RUNDC3B: variants seen among roughly 807,000 people sequenced by gnomAD.
RUNDC3B encodes RUN domain-containing protein 3B.
Under a neutral mutation model 58.4 loss-of-function variants are expected in RUNDC3B, and 33 were observed. The observed-to-expected ratio is 0.56, with a 90% CI of 0.43 to 0.75. The LOEUF is 0.75. RUNDC3B is among the 30% of genes least tolerant of loss of function. The pLI, the probability that RUNDC3B is intolerant of heterozygous loss-of-function variation, is 0.00. For missense variants in RUNDC3B, 501 were observed against 535.7 expected (o/e 0.94, Z 0.64); for synonymous variants, 193 against 195.2 (o/e 0.99, Z 0.10).
intron 4 of RUNDC3B, among the ~76,000 whole-genome samples, chr7:87,726,614 T>C (rs551210788): frequency 0.03 from 4,554 of 152,288 alleles, 65 homozygotes; most frequent in Middle Eastern, 0.048. Context: ...AGTAGTTTTT[T>C]CCAATTCTGT....
intron 4 of RUNDC3B, among the ~76,000 whole-genome samples, chr7:87,739,467 T>G (rs1027489856): frequency 6.6e-6 from 1 of 152,010 alleles, no homozygotes; most frequent in Admixed American, 6.6e-5. Flanking sequence ...TTTATATTGC[T>G]TCACTATTAA....
intron 10 of RUNDC3B, 54 bp from the exon 11 acceptor site, chr7:87,829,831 T>C (rs1184745933): frequency 2.3e-6 from 3 of 1,284,626 alleles, no homozygotes; most frequent in African/African-American, 3.0e-5. Flanking sequence ...AGGATCTTAT[T>C]TGTATCATTC....
At chr7:87,724,936 AATT>A (rs1831125715) in intron 4 of RUNDC3B, among the ~76,000 whole-genome samples, 5 of 152,132 alleles carry the variant, frequency 3.3e-5, no homozygotes, top group South Asian at 2.1e-4. Flanking sequence ...GAAAAGAAAT[AATT>A]ATTCATTTGA....
intron 8 of RUNDC3B, among the ~76,000 whole-genome samples, chr7:87,785,444 A>G (rs535679580): frequency 1.3e-5 from 2 of 152,302 alleles, no homozygotes; most frequent in South Asian, 4.1e-4. Context: ...AGTGTACTCC[A>G]ACCCTGGGAG....
chr7:87,680,770 G>C lies in RUNDC3B; in HGVS notation c.239-19651G>C, dbSNP rs1453601211. ...AGATCGCGCCATTGCACTCCAGCTT[G>C]GGCAAGGAGTGAAACTCCATCTCAA... is the stretch of plus-strand genomic sequence containing the variant. On this transcript the variant is annotated intron_variant, in intron 2 of 10. Coordinates refer to ENST00000394654, the MANE Select transcript of RUNDC3B (RefSeq NM_001134405.2). Among the ~76,000 whole-genome samples, 3 of 149,872 alleles carry C rather than the reference G, an allele frequency of 2.0e-5. 1 individual carries two copies. Among genetic ancestry groups the C allele is most frequent in the Non-Finnish European group, 4.4e-5 (3 of 67,782 alleles).
At chr7:87,811,426 C>T (rs1444106973) in intron 9 of RUNDC3B, among the ~76,000 whole-genome samples, 2 of 151,962 alleles carry the variant, frequency 1.3e-5, no homozygotes, top group African/African-American at 2.4e-5. Context: ...CTTTGCCTCC[C>T]GGGTTGAAGT....
intron 2 of RUNDC3B, among the ~76,000 whole-genome samples, chr7:87,668,687 A>C (rs1470687057): frequency 6.6e-6 from 1 of 152,072 alleles, no homozygotes; most frequent in Non-Finnish European, 1.5e-5. Context: ...TTTTGTTCTC[A>C]TTATTTTCAA....
intron 3 of RUNDC3B, among the ~76,000 whole-genome samples, chr7:87,703,885 C>CTTTTTTTTTTTTTTTTTTTTTTTTTTGTT (rs1829314546): frequency 1.7e-5 from 1 of 60,282 alleles, no homozygotes; most frequent in African/African-American, 6.3e-5. Context: ...TCAGTTTTTT[C>CTTTTTTTTTTTTTTTTTTTTTTTTTTGTT]TTTTTTTTTT....
At chr7:87,828,095 A>T (rs968405238) in intron 10 of RUNDC3B, among the ~76,000 whole-genome samples, 1 of 152,200 alleles carries the variant, frequency 6.6e-6, no homozygotes, top group Non-Finnish European at 1.5e-5. Context: ...TGTTGTTCAA[A>T]AGGGCCCCTC....
intron 2 of RUNDC3B, among the ~76,000 whole-genome samples, chr7:87,689,435 G>A (rs1827805247): frequency 6.6e-6 from 1 of 151,832 alleles, no homozygotes; most frequent in Non-Finnish European, 1.5e-5. Flanking sequence ...TTTTAATCTT[G>A]GAAAATTGCT....
intron 8 of RUNDC3B, among the ~76,000 whole-genome samples, chr7:87,788,662 T>G (rs1053029618): frequency 2.0e-5 from 3 of 151,394 alleles, no homozygotes; most frequent in Non-Finnish European, 4.4e-5. Flanking sequence ...GAAAGTTTGT[T>G]AAAAGATTAA....
At chr7:87,768,675 A>G (rs1269866472) in intron 6 of RUNDC3B, among the ~76,000 whole-genome samples, 1 of 152,124 alleles carries the variant, frequency 6.6e-6, no homozygotes, top group Non-Finnish European at 1.5e-5. Flanking sequence ...AAATGCCCCT[A>G]CCTACCCTTT....
rs1027684615 is a variant in RUNDC3B at position 87,715,379 on chromosome 7, A to G, written c.458+4724A>G. On this transcript the variant is annotated intron_variant, in intron 4 of 10. Coordinates refer to ENST00000394654, the MANE Select transcript of RUNDC3B (RefSeq NM_001134405.2). ...TATAATTAATTTATAATAATTATAT[A>G]ATCAATATAATATAATATATTTAAT... Among the ~76,000 whole-genome samples the G allele has an allele frequency of 2.6e-4, 34 of 128,468 alleles. 2 individuals are homozygous for G. The highest frequency in any genetic ancestry group is 4.4e-4 in the Non-Finnish European group (28 of 63,160). The allele number at this position is 128,468 out of a possible 152,430, so 84.3% of individuals were successfully genotyped here.
rs1186697348 is a variant in RUNDC3B at position 87,763,248 on chromosome 7, A to C, written c.630-7333A>C. Among the ~76,000 whole-genome samples the C allele has an allele frequency of 2.0e-5, 3 of 151,688 alleles. No homozygotes were observed. In the South Asian group the frequency reaches 6.2e-4, roughly 31 times the overall value. ...TTTGACATATGCTTTTGATGTCCCG[A>C]ATTTTACATTTGTCATTGATTTATT... On this transcript the variant is annotated intron_variant, in intron 6 of 10. Transcript: ENST00000394654.
At chr7:87,741,427 T>G in intron 5 of RUNDC3B, 72 bp from the exon 6 acceptor site, 2 of 877,240 alleles carry the variant, frequency 2.3e-6, no homozygotes, top group Non-Finnish European at 1.7e-6. Context: ...TGGCAAGAGA[T>G]TTTTCATGAA....
chr7:87,823,412 A>C (rs1049194723), intron 10 of RUNDC3B, among the ~76,000 whole-genome samples: 1 of 150,908 alleles, frequency 6.6e-6, no homozygotes, highest in African/African-American at 2.4e-5. Context: ...TTTTATTTTT[A>C]TTTTTTTTAA....
At chr7:87,634,498 G>C (rs1414259555) in intron 1 of RUNDC3B, among the ~76,000 whole-genome samples, 4 of 137,072 alleles carry the variant, frequency 2.9e-5, no homozygotes, top group African/African-American at 5.3e-5. Flanking sequence ...GGGGGGTGGG[G>C]GGGGGGGCAC....
Position 87,703,914 on chromosome 7 carries a change from G to GTTTTTT in RUNDC3B, c.372+3381_372+3386dup, listed in dbSNP as rs35797972. ...TTTTTTTTTTTTTTTTTTTTTTTTG[G>GTTTTTT]TTTTTTTTTTTTTTTTTTTTTTTTT... On this transcript the variant is annotated intron_variant, in intron 3 of 10. Coordinates refer to ENST00000394654, the MANE Select transcript of RUNDC3B (RefSeq NM_001134405.2). Among the ~76,000 whole-genome samples the GTTTTTT allele has an allele frequency of 7.7e-3, 331 of 42,964 alleles. 1 individual carries two copies. Among genetic ancestry groups the GTTTTTT allele is most frequent in the Non-Finnish European group, 8.4e-3 (201 of 23,830 alleles). The allele number at this position is 42,964 out of a possible 152,430, so 28.2% of individuals were successfully genotyped here. A position where few individuals can be genotyped will look rare whatever the true frequency, so the allele number is the denominator to read the frequency against.
At chr7:87,681,975 T>C (rs991194205) in intron 2 of RUNDC3B, among the ~76,000 whole-genome samples, 1 of 152,216 alleles carries the variant, frequency 6.6e-6, no homozygotes, top group African/African-American at 2.4e-5. Context: ...TTGGAGTCAA[T>C]ACTCTCAAAC....
Sources: allele counts gnomAD v4.1 joint callset (sites outside exome capture counted in the v4.1 genomes callset), GRCh38; gene constraint gnomAD v4.1.1; transcripts MANE v1.5; gene names NCBI Gene and HGNC (gene_info 2026-07-23, HGNC 2026-07-21).